Variants in ANKRD36C observed in about 807,000 individuals in gnomAD.
ANKRD36C encodes ankyrin repeat domain 36C.
In ANKRD36C, 61 loss-of-function variants were observed where a neutral mutation model predicts 276.4. The observed-to-expected ratio is 0.22, with a 90% confidence interval of 0.18 to 0.27. The LOEUF (loss-of-function observed/expected upper bound fraction) is 0.27, where lower values mean the gene tolerates loss of function less well. Ranked by LOEUF, ANKRD36C falls within the 10% of genes least tolerant of loss-of-function variation. ANKRD36C has a pLI of 1.00. For missense variants in ANKRD36C, 1,447 were observed against 2,032.3 expected (o/e 0.71, Z 5.54); for synonymous variants, 483 against 680.1 (o/e 0.71, Z 4.51).
chr2:95,926,288 A>G (rs1376955847), intron 28 of ANKRD36C, among the ~76,000 whole-genome samples: 1 of 151,684 alleles, frequency 6.6e-6, no homozygotes, highest in Non-Finnish European at 1.5e-5. Context: ...TAAAGTTGCT[A>G]CAAGCATTAG....
intron 30 of ANKRD36C, among the ~76,000 whole-genome samples, chr2:95,925,131 C>T (rs1338262021): frequency 1.3e-5 from 2 of 151,576 alleles, no homozygotes; most frequent in Non-Finnish European, 3.0e-5. Context: ...AATGGTTCTT[C>T]CATCCAAATT....
intron 26 of ANKRD36C, 133 bp downstream of exon 26, chr2:95,928,939 T>G (rs1677486132): frequency 2.2e-6 from 3 of 1,393,908 alleles, no homozygotes; most frequent in Non-Finnish European, 2.9e-6. Context: ...GAGAACTCAC[T>G]ACAAATGAAG....
intron 38 of ANKRD36C, among the ~76,000 whole-genome samples, chr2:95,914,657 T>C (rs138803287): frequency 0.015 from 2,230 of 151,616 alleles, 25 homozygotes; most frequent in Non-Finnish European, 0.023. Context: ...AAGCAGGTGC[T>C]ACATGATCCC....
At chr2:95,894,461 G>A (rs1233018116) in intron 44 of ANKRD36C, among the ~76,000 whole-genome samples, 1 of 151,408 alleles carries the variant, frequency 6.6e-6, no homozygotes, top group Non-Finnish European at 1.5e-5. Flanking sequence ...AAGTAAAACT[G>A]CTACAAGCAT....
At chr2:95,976,004 G>A (rs892371927) in intron 6 of ANKRD36C, among the ~76,000 whole-genome samples, 6 of 152,308 alleles carry the variant, frequency 3.9e-5, no homozygotes, top group African/African-American at 1.4e-4. Flanking sequence ...AGACATTTAT[G>A]CAGCCAAAAA....
At position 95,889,956 on chromosome 2, in the gene ANKRD36C, G is replaced by C; in HGVS notation, c.2886+10C>G. ...TTAATAGTTCAAAATATAAATGAGA[G>C]TTTAATTACCTTCAAGGCTGGTTGT... On this transcript the variant is annotated intron_variant, in intron 47 of 66. Transcript: ENST00000456556. 2 of 1,609,772 alleles carry C rather than the reference G, an allele frequency of 1.2e-6. No homozygotes were observed. The highest frequency in any genetic ancestry group is 1.7e-5 in the Admixed American group (1 of 59,678).
intron 60 of ANKRD36C, among the ~76,000 whole-genome samples, chr2:95,862,081 C>A (rs1360433295): frequency 6.6e-6 from 1 of 151,990 alleles, no homozygotes; most frequent in Non-Finnish European, 1.5e-5. Flanking sequence ...AACAAACCAG[C>A]CTCGCAATAT....
At chr2:95,855,069 ATTAACT>A (rs1675377042) in intron 63 of ANKRD36C, among the ~76,000 whole-genome samples, 191 bp downstream of exon 83, 1 of 152,204 alleles carries the variant, frequency 6.6e-6, no homozygotes, top group Admixed American at 6.5e-5. Flanking sequence ...TAAGTGACAC[ATTAACT>A]TTAATCAGAG....
chr2:95,895,679 C>A (rs1242156992), intron 44 of ANKRD36C, 89 bp from the exon 61 acceptor site: 3 of 1,551,992 alleles, frequency 1.9e-6, no homozygotes, highest in East Asian at 2.4e-5. Context: ...CAACCTCTGT[C>A]CTCCTGCCTG....
intron 13 of ANKRD36C, among the ~76,000 whole-genome samples, chr2:95,955,053 A>C (rs1678295532): frequency 6.6e-6 from 1 of 152,296 alleles, no homozygotes; most frequent in African/African-American, 2.4e-5. Context: ...GTTACCAACT[A>C]CCCAAATGAA....
At chr2:95,914,546 A>C (rs1417183385) in intron 38 of ANKRD36C, among the ~76,000 whole-genome samples, 6 of 151,430 alleles carry the variant, frequency 4.0e-5, no homozygotes, top group Non-Finnish European at 7.4e-5. Flanking sequence ...GTCGAAAACT[A>C]AAATAAAACC....
chr2:95,921,954 ATGACAGAAATATAC>A (rs1677283713), intron 32 of ANKRD36C, 144 bp from the exon 33 acceptor site: 1 of 875,938 alleles, frequency 1.1e-6, no homozygotes, highest in Non-Finnish European at 1.6e-6. Flanking sequence ...AGCCAGGAGC[ATGACAGAAATATAC>A]TAAAGAAAAC....
intron 6 of ANKRD36C, among the ~76,000 whole-genome samples, chr2:95,972,785 T>C (rs1343547886): frequency 6.6e-6 from 1 of 152,122 alleles, no homozygotes; most frequent in East Asian, 1.9e-4. Flanking sequence ...ATAGAAATAA[T>C]TATGCCAAAA....
At chr2:95,919,641 T>TCCCCCCCCCCCCC in intron 34 of ANKRD36C, 92 bp downstream of exon 36, 6 of 566,990 alleles carry the variant, frequency 1.1e-5, no homozygotes, top group Non-Finnish European at 8.8e-6. Context: ...CTTCGGCGAC[T>TCCCCCCCCCCCCC]CCCCCCACCC....
intron 20 of ANKRD36C, among the ~76,000 whole-genome samples, chr2:95,939,540 C>T (rs1409622458): frequency 2.0e-5 from 3 of 151,714 alleles, no homozygotes; most frequent in East Asian, 4.1e-4. Flanking sequence ...CCCGTCTCTA[C>T]TAAAAATGCA....
exon 64 of ANKRD36C, chr2:95,853,826 A>T (rs1382523108): frequency 6.2e-7 from 1 of 1,609,000 alleles, no homozygotes; most frequent in Non-Finnish European, 8.5e-7. Context: ...TGTTTAAGAC[A>T]TCATCTTGTT....
intron 1 of ANKRD36C, among the ~76,000 whole-genome samples, chr2:95,987,910 C>T (rs1029815760): frequency 3.3e-5 from 5 of 151,924 alleles, no homozygotes; most frequent in Non-Finnish European, 7.4e-5. Context: ...TCTCACTATT[C>T]TCTTATATAA....
At chr2:95,979,774 GA>G (rs1046810265) in intron 5 of ANKRD36C, among the ~76,000 whole-genome samples, 1 of 151,540 alleles carries the variant, frequency 6.6e-6, no homozygotes, top group Non-Finnish European at 1.5e-5. Context: ...GCTTTAAAGA[GA>G]AAAAAAAGGG....
chr2:95,902,726 G>T (rs916044488), intron 42 of ANKRD36C, among the ~76,000 whole-genome samples, 160 bp downstream of exon 54: 1 of 150,394 alleles, frequency 6.6e-6, no homozygotes, highest in African/African-American at 2.4e-5. Context: ...TTCCAGACCA[G>T]CATCATCATC....
Sources: gnomAD v4.1 joint callset for allele counts (sites outside exome capture counted in the v4.1 genomes callset) on GRCh38, gnomAD v4.1.1 for gene constraint, MANE v1.5 for transcripts, NCBI Gene and HGNC (gene_info 2026-07-23, HGNC 2026-07-21) for gene names.